FAM200B: variants seen among roughly 807,000 people sequenced by gnomAD.
FAM200B encodes the protein protein FAM200B.
In FAM200B, 32 loss-of-function variants were observed where a neutral mutation model predicts 33.1. That is an observed-to-expected ratio of 0.97 (90% CI 0.73 to 1.30). FAM200B has a LOEUF of 1.30. Among genes scored for constraint, FAM200B ranks in the 50% most tolerant of loss-of-function variants. The pLI is 0.00. For missense variants in FAM200B, 741 were observed against 754.0 expected (o/e 0.98, Z 0.20); for synonymous variants, 240 against 264.8 (o/e 0.91, Z 0.91).
chr4:15,672,191 C>T, the FAM200B span, among the ~76,000 whole-genome samples: 1 of 152,202 alleles, frequency 6.6e-6, no homozygotes, highest in Non-Finnish European at 1.5e-5. Context: ...CAGTCTAGGG[C>T]TAATGGTTTC....
chr4:15,648,034 T>C, the FAM200B span, among the ~76,000 whole-genome samples: 2 of 152,134 alleles, frequency 1.3e-5, no homozygotes, highest in Non-Finnish European at 2.9e-5. Context: ...TACTTTTTTA[T>C]TTTTTAGAGA....
chr4:15,656,768 G>A, the FAM200B span, among the ~76,000 whole-genome samples: 1 of 150,414 alleles, frequency 6.6e-6, no homozygotes, highest in Non-Finnish European at 1.5e-5. Flanking sequence ...GAATCTTTAT[G>A]AGGATTTATA....
the FAM200B span, among the ~76,000 whole-genome samples, chr4:15,654,410 TATG>T: frequency 6.6e-6 from 1 of 152,204 alleles, no homozygotes; most frequent in South Asian, 2.1e-4. Flanking sequence ...CTCTTCAGCT[TATG>T]CTGCACCAAT....
chr4:15,685,610 A>C (rs986935087), intron 1 of FAM200B, among the ~76,000 whole-genome samples: 2 of 152,044 alleles, frequency 1.3e-5, no homozygotes, highest in African/African-American at 4.8e-5. Flanking sequence ...GAGAGGTAGT[A>C]CCTCTCCAGT....
At chr4:15,668,113 A>AC in the FAM200B span, among the ~76,000 whole-genome samples, 2 of 152,054 alleles carry the variant, frequency 1.3e-5, no homozygotes, top group Non-Finnish European at 2.9e-5. Flanking sequence ...GTAACAATTA[A>AC]AATTTTGGTT....
the FAM200B span, chr4:15,640,720 G>T: frequency 1.2e-6 from 1 of 805,650 alleles, no homozygotes; most frequent in Non-Finnish European, 1.9e-6. Flanking sequence ...ATTTTGAAGA[G>T]TCTCTAAAGC....
chr4:15,683,380 A>G (rs1166795167), intron 1 of FAM200B, among the ~76,000 whole-genome samples: 1 of 152,178 alleles, frequency 6.6e-6, no homozygotes, highest in African/African-American at 2.4e-5. Context: ...TGCTGTTACT[A>G]TAGATGAACT....
the FAM200B span, among the ~76,000 whole-genome samples, chr4:15,667,355 T>C: frequency 6.6e-6 from 1 of 152,346 alleles, no homozygotes; most frequent in East Asian, 1.9e-4. Context: ...AAACAATTTC[T>C]ATTTTTTAGG....
chr4:15,659,048 T>C, the FAM200B span, among the ~76,000 whole-genome samples: 2 of 152,230 alleles, frequency 1.3e-5, no homozygotes, highest in Admixed American at 1.3e-4. Context: ...TCAATGTTTC[T>C]TCCTCATTAA....
At chr4:15,654,796 G>A in the FAM200B span, among the ~76,000 whole-genome samples, 6 of 152,162 alleles carry the variant, frequency 3.9e-5, no homozygotes, top group Admixed American at 3.3e-4. Flanking sequence ...CAACTACTCG[G>A]TGCAGATGGG....
chr4:15,655,430 A>G, the FAM200B span: 4 of 980,036 alleles, frequency 4.1e-6, no homozygotes, highest in African/African-American at 3.6e-5. Flanking sequence ...GCCGGCGGGG[A>G]CGCGGGGGCG....
At chr4:15,663,256 T>C in the FAM200B span, among the ~76,000 whole-genome samples, 128 of 152,308 alleles carry the variant, frequency 8.4e-4, no homozygotes, top group Non-Finnish European at 3.1e-4. Flanking sequence ...AAACTAACAA[T>C]ACACTAAGTA....
chr4:15,644,504 T>A, the FAM200B span: 1 of 1,611,144 alleles, frequency 6.2e-7, no homozygotes, highest in Non-Finnish European at 8.5e-7. Flanking sequence ...TTAACATTCT[T>A]CAGTCCCTTT....
chr4:15,668,679 G>C, the FAM200B span, among the ~76,000 whole-genome samples: 3 of 152,050 alleles, frequency 2.0e-5, no homozygotes, highest in Non-Finnish European at 4.4e-5. Flanking sequence ...AATTAAAAAA[G>C]CTATTTGGAT....
At chr4:15,666,237 A>G in the FAM200B span, among the ~76,000 whole-genome samples, 2 of 151,998 alleles carry the variant, frequency 1.3e-5, no homozygotes, top group African/African-American at 4.8e-5. Flanking sequence ...CACCACCACA[A>G]AAAGTTAAAA....
chr4:15,637,038 T>C, the FAM200B span, among the ~76,000 whole-genome samples: 1 of 152,202 alleles, frequency 6.6e-6, no homozygotes, highest in African/African-American at 2.4e-5. Flanking sequence ...TCAACAAGTA[T>C]AGAGTCAGCC....
the FAM200B span, among the ~76,000 whole-genome samples, chr4:15,644,927 G>T: frequency 6.6e-6 from 1 of 152,148 alleles, no homozygotes; most frequent in Non-Finnish European, 1.5e-5. Flanking sequence ...GGAGGGCCTG[G>T]TGACACAGAA....
chr4:15,650,458 G>A, the FAM200B span, among the ~76,000 whole-genome samples: 1 of 151,966 alleles, frequency 6.6e-6, no homozygotes, highest in Non-Finnish European at 1.5e-5. Context: ...AGAGATTTAT[G>A]ACCTACTACT....
the FAM200B span, among the ~76,000 whole-genome samples, chr4:15,665,205 C>A: frequency 6.6e-6 from 1 of 152,098 alleles, no homozygotes; most frequent in African/African-American, 2.4e-5. Flanking sequence ...TTATTTGTGA[C>A]ATATTGTTAA....
Sources: allele counts gnomAD v4.1 joint callset (sites outside exome capture counted in the v4.1 genomes callset), GRCh38; gene constraint gnomAD v4.1.1; transcripts MANE v1.5; gene names NCBI Gene and HGNC (gene_info 2026-07-23, HGNC 2026-07-21).